THBS1: variants seen among roughly 807,000 people sequenced by gnomAD.
The protein encoded by THBS1 is thrombospondin 1.
In THBS1, 29 loss-of-function variants were observed where a neutral mutation model predicts 126.1. The observed-to-expected ratio is 0.23, with a 90% CI of 0.17 to 0.31. The LOEUF is 0.31. Ranked by LOEUF, THBS1 falls within the 10% of genes least tolerant of loss-of-function variation. THBS1 has a pLI of 1.00. For synonymous variants in THBS1, 496 were observed against 577.8 expected (o/e 0.86, Z 2.03); for missense variants, 1,198 against 1,545.2 (o/e 0.78, Z 3.77).
intron 9 of THBS1, 88 bp from the exon 10 acceptor site, chr15:39,588,438 G>T (rs989884903): frequency 6.2e-6 from 9 of 1,456,564 alleles, no homozygotes; most frequent in South Asian, 1.4e-5. Flanking sequence ...AGAAGCAGAG[G>T]TTTCTTGAAC....
Position 39,592,762 on chromosome 15 carries a change from C to G in THBS1, c.2727C>G (p.Asn909Lys). The stretch of plus-strand genomic sequence containing the variant: ...ATGGCATTCCTGATGACAAGGACAA[C>G]TGCAGACTCGTGCCCAATCCCGACC... The part of the protein sequence containing the change: ...DNDGIPDDKD[N>K]CRLVPNPDQK... The change falls in exon 17 of 22, where the codon AAC (asparagine) becomes AAG (lysine). Residue 909 changes from asparagine (N) to lysine (K), a missense_variant. By Grantham distance (94) the Asn-to-Lys change is moderately conservative. This residue lies in a region of THBS1 where 255 missense variants were observed against 373.9 expected (regional missense o/e 0.68). Coordinates refer to ENST00000260356, the MANE Select transcript of THBS1 (RefSeq NM_003246.4). This position sits in a 1 kb window ranked among gnomAD's most constrained non-coding sequence, Gnocchi z 4.3. 6.2e-7 allele frequency: 1 copy of G among 1,614,140 alleles called. No individual in the cohort carries two copies. Among genetic ancestry groups the G allele is most frequent in the Non-Finnish European group, 8.5e-7 (1 of 1,179,990 alleles).
rs1234546700 is a variant in THBS1, at chr15:39,582,199, G to A, written c.74G>A (p.Gly25Asp). The change falls in exon 3 of 22, where the codon GGC becomes GAC. Residue 25 changes from glycine to aspartate, a missense_variant. By Grantham distance (94) the Gly-to-Asp change is moderately conservative. This residue lies in a region of THBS1 where 271 missense variants were observed against 277.0 expected (regional missense o/e 0.98). Coordinates refer to ENST00000260356, the MANE Select transcript of THBS1 (RefSeq NM_003246.4). ...GTTCTCTCCTGTCTAACAGAGTCTG[G>A]CGGAGACAACAGCGTGTTTGACATC... ...VCGTNRIPES[G>D]GDNSVFDIFE... 1 of 1,600,156 alleles carries A rather than the reference G, an allele frequency of 6.2e-7. No homozygotes were observed. The highest frequency in any genetic ancestry group is 8.5e-7 in the Non-Finnish European group (1 of 1,173,164).
In THBS1 at chr15:39,589,582, G is replaced by T. The variant is rs746801347; in HGVS notation, c.1927-223G>T. On this transcript the variant is annotated intron_variant, in intron 12 of 21. Coordinates refer to ENST00000260356, the MANE Select transcript of THBS1 (RefSeq NM_003246.4). This position sits in a 1 kb window ranked among gnomAD's most constrained non-coding sequence, Gnocchi z 4.7. ...GCTGCTCTGGAATAAGTTGTGAGCA[G>T]ATGGACTTGTAAACGCCTAGGTGCT... is the stretch of plus-strand genomic sequence containing the variant. Among the ~76,000 whole-genome samples, 1 of 152,218 alleles carries T rather than the reference G, an allele frequency of 6.6e-6. No homozygotes were observed. Among genetic ancestry groups the T allele is most frequent in the Non-Finnish European group, 1.5e-5 (1 of 68,030 alleles).
chr15:39,582,875 G>A (rs895695859), intron 3 of THBS1, 123 bp downstream of exon 3: 2 of 1,127,970 alleles, frequency 1.8e-6, no homozygotes, highest in African/African-American at 1.6e-5. Context: ...TAGGCAGCAT[G>A]AGCATCACCT....
Position 39,593,817 on chromosome 15 carries a change from C to A in THBS1, c.3267+149C>A. ...AGCATTGAACTCTGCTTTGTAAAAA[C>A]ATAATAGTGTTGAAAAGGGAGCTTG... On this transcript the variant is annotated intron_variant, in intron 19 of 21. Coordinates refer to ENST00000260356, the MANE Select transcript of THBS1 (RefSeq NM_003246.4). This position sits in a 1 kb window ranked among gnomAD's most constrained non-coding sequence, Gnocchi z 5.9. 2 of 1,244,038 alleles carry A rather than the reference C, an allele frequency of 1.6e-6. No individual in the cohort carries two copies. The highest frequency in any genetic ancestry group is 2.2e-6 in the Non-Finnish European group (2 of 903,612). 77.1% of individuals were successfully genotyped at this position (1,244,038 alleles called of 1,614,324 possible).
Position 39,589,688 on chromosome 15 carries a change from C to A in THBS1, c.1927-117C>A. The A allele has an allele frequency of 8.8e-7, 1 of 1,136,156 alleles. No individual in the cohort carries two copies. The highest frequency in any genetic ancestry group is 1.2e-6 in the Non-Finnish European group (1 of 825,102). 70.4% of individuals were successfully genotyped at this position (1,136,156 alleles called of 1,614,324 possible). ...AATGGGGAGGGACAGAGGTAACCCA[C>A]ACTCTTCCAAATGGAGCCTCTGTCT... On this transcript the variant is annotated intron_variant, in intron 12 of 21. Coordinates refer to ENST00000260356, the MANE Select transcript of THBS1 (RefSeq NM_003246.4). This position sits in a 1 kb window ranked among gnomAD's most constrained non-coding sequence, Gnocchi z 4.7.
chr15:39,597,873 T>G lies in THBS1; in HGVS notation c.*2504T>G, dbSNP rs1014186430. On this transcript the variant is annotated 3_prime_UTR_variant, in exon 22 of 22. Coordinates refer to ENST00000260356, the MANE Select transcript of THBS1 (RefSeq NM_003246.4). ...CATTTTCTGACCCACGAATGATGCC[T>G]TGGGTGGGCAACACGATTGCATGTT... The G allele has an allele frequency of 6.6e-6, 1 of 152,156 alleles. No individual in the cohort carries two copies. The highest frequency in any genetic ancestry group is 1.5e-5 in the Non-Finnish European group (1 of 68,030). The allele number at this position is 152,156 out of a possible 1,614,324, so 9.4% of individuals were successfully genotyped here. A position where few individuals can be genotyped will look rare whatever the true frequency, so the allele number is the denominator to read the frequency against.
chr15:39,583,396 C>G (rs1315232504), intron 3 of THBS1, among the ~76,000 whole-genome samples: 1 of 152,198 alleles, frequency 6.6e-6, no homozygotes, highest in East Asian at 1.9e-4. Context: ...TAACTGAATT[C>G]TTTGTAAAAT....
In THBS1 at chr15:39,597,167, T is replaced by C; in HGVS notation, c.*1798T>C. ...ATAGATATCTCAGATTGTGTAGATA[T>C]GCTATTTAAATAATTTATCAGGAAA... On this transcript the variant is annotated 3_prime_UTR_variant, in exon 22 of 22. Transcript: ENST00000260356. 6.6e-6 allele frequency: 1 copy of C among 152,080 alleles called. No homozygotes were observed. Among genetic ancestry groups the C allele is most frequent in the South Asian group, 2.1e-4 (1 of 4,826 alleles). The allele number at this position is 152,080 out of a possible 1,614,324, so 9.4% of individuals were successfully genotyped here.
chr15:39,583,153 C>A (rs1191378016), intron 3 of THBS1, among the ~76,000 whole-genome samples: 1 of 152,216 alleles, frequency 6.6e-6, no homozygotes, highest in Non-Finnish European at 1.5e-5. Flanking sequence ...TTTCTATGGG[C>A]AGAATCAGTA....
rs779590318 is a variant in THBS1, at chr15:39,592,582, A to G, written c.2547A>G (p.Ser849=). ...CTCTCTTTCAGCTGGACTCTGACTC[A>G]GACCGCATTGGAGATACCTGTGACA... ...EHNPDQLDSD[S]DRIGDTCDNN... The change falls in exon 17 of 22, where the codon TCA becomes TCG. Residue 849 remains serine, a synonymous_variant. Coordinates refer to ENST00000260356, the MANE Select transcript of THBS1 (RefSeq NM_003246.4). This position sits in a 1 kb window ranked among gnomAD's most constrained non-coding sequence, Gnocchi z 4.3. 6.2e-7 allele frequency: 1 copy of G among 1,613,228 alleles called. No individual in the cohort carries two copies. Among genetic ancestry groups the G allele is most frequent in the South Asian group, 1.1e-5 (1 of 90,852 alleles).
At position 39,597,275 on chromosome 15, in the gene THBS1, G is replaced by GTTTTGTTTTTTTTTTTTTTTTT. The variant is rs1555385582; in HGVS notation, c.*1912_*1933dup. The stretch of plus-strand genomic sequence containing the variant: ...GAATTGTTGGTTTTTTCTTTTTTTT[G>GTTTTGTTTTTTTTTTTTTTTTT]TTTTGTTTTTTTTTTTTTTTTTTTT... On this transcript the variant is annotated 3_prime_UTR_variant, in exon 22 of 22. Coordinates refer to ENST00000260356, the MANE Select transcript of THBS1 (RefSeq NM_003246.4). The GTTTTGTTTTTTTTTTTTTTTTT allele has an allele frequency of 4.0e-4, 21 of 52,556 alleles. No individual in the cohort carries two copies. The highest frequency in any genetic ancestry group is 7.3e-4 in the Non-Finnish European group (18 of 24,744). The allele number at this position is 52,556 out of a possible 1,614,324, so 3.3% of individuals were successfully genotyped here.
At position 39,598,585 on chromosome 15, in the gene THBS1, G is replaced by C. The variant is rs560933662; in HGVS notation, c.*3216G>C. 1 of 152,276 alleles carries C rather than the reference G, an allele frequency of 6.6e-6. No individual in the cohort carries two copies. The highest frequency in any genetic ancestry group is 1.9e-4 in the East Asian group (1 of 5,188). The allele number at this position is 152,276 out of a possible 1,614,324, so 9.4% of individuals were successfully genotyped here. On this transcript the variant is annotated 3_prime_UTR_variant, in exon 22 of 22. Transcript: ENST00000260356. ...AATACCAAGATAAGACAGAAAAAGT[G>C]ACTGGAAAGAGGAGCTTTTCTTCCA... is the stretch of plus-strand genomic sequence containing the variant.
Position 39,591,323 on chromosome 15 carries a change from G to A in THBS1, c.2386G>A (p.Ala796Thr), listed in dbSNP as rs142600129. The A allele has an allele frequency of 1.4e-5, 23 of 1,614,022 alleles. No individual in the cohort carries two copies. Among genetic ancestry groups the A allele is most frequent in the African/African-American group, 5.3e-5 (4 of 74,932 alleles). The part of the protein sequence containing the change: ...ADTDNNGEGD[A>T]CAADIDGDGI... ...CACAGACAACAATGGGGAAGGAGAC[G>A]CCTGTGCTGCAGACATTGATGGAGA... The change falls in exon 15 of 22, where the codon GCC becomes ACC. Residue 796 changes from alanine to threonine, a missense_variant. Ala to Thr is a moderately conservative substitution (Grantham distance 58, BLOSUM62 0). Coordinates refer to ENST00000260356, the MANE Select transcript of THBS1 (RefSeq NM_003246.4).
intron 3 of THBS1, 89 bp from the exon 4 acceptor site, chr15:39,583,528 A>G (rs1334758487): frequency 9.3e-7 from 1 of 1,070,538 alleles, no homozygotes; most frequent in Non-Finnish European, 1.4e-6. Context: ...CATCTATTGT[A>G]TGCTTTTCCT....
Position 39,581,927 on chromosome 15 carries a change from G to A in THBS1, c.67+3G>A, listed in dbSNP as rs1348614485. On this transcript the variant is annotated splice_donor_region_variant and intron_variant, in intron 2 of 21. Transcript: ENST00000260356. ...GTGTGGCACCAACCGCATTCCAGGT[G>A]AGTTTGTGTGGCACCTTTAGGGGAA... The A allele has an allele frequency of 2.5e-6, 4 of 1,613,988 alleles. 1 individual carries two copies. The Admixed American group carries it at 5.0e-5, about 20-fold the overall frequency.
chr15:39,582,147 G>A (rs1386339306), intron 2 of THBS1, 46 bp from the exon 3 acceptor site: 2 of 1,543,400 alleles, frequency 1.3e-6, no homozygotes, highest in Non-Finnish European at 1.7e-6. Flanking sequence ...CCCTACTGCT[G>A]GTCCCAGCCT....
At position 39,582,409 on chromosome 15, in the gene THBS1, G is replaced by A. The variant is rs780770191; in HGVS notation, c.284G>A (p.Arg95Lys). ...GGTTTCCTCCTTCTGGCATCCCTGA[G>A]GCAGATGAAGAAGACCCGGGGCACG... ...EKGFLLLASLRQMKKTRGTLL... is the reference protein window; with the variant it reads ...EKGFLLLASLKQMKKTRGTLL... Residue 95 changes from arginine (R) to lysine (K), a missense_variant, in exon 3 of 22, where the codon AGG (arginine) becomes AAG (lysine). By Grantham distance (26) the Arg-to-Lys change is conservative. Transcript: ENST00000260356. 1.2e-6 allele frequency: 2 copies of A among 1,614,136 alleles called. No individual in the cohort carries two copies. Among genetic ancestry groups the A allele is most frequent in the East Asian group, 2.2e-5 (1 of 44,876 alleles).
intron 9 of THBS1, 67 bp downstream of exon 9, chr15:39,588,285 C>T: frequency 6.5e-7 from 1 of 1,545,624 alleles, no homozygotes; most frequent in South Asian, 1.2e-5. Context: ...TGCCTGGCAT[C>T]TGCAGCCTGC....
Sources: gnomAD v4.1 joint callset for allele counts (sites outside exome capture counted in the v4.1 genomes callset) on GRCh38, gnomAD v4.1.1 for gene constraint, gnomAD v4.1.1 regional missense constraint, Gnocchi (gnomAD v3.1) non-coding constraint, MANE v1.5 for transcripts, NCBI Gene and HGNC (gene_info 2026-07-23, HGNC 2026-07-21) for gene names.